KCNH7: variants seen among roughly 807,000 people sequenced by gnomAD.
KCNH7 encodes potassium voltage-gated channel subfamily H member 7.
KCNH7 carries 49 observed loss-of-function variants against 120.8 expected under a neutral mutation model. That is an observed-to-expected ratio of 0.41 (90% confidence interval 0.32 to 0.51). The LOEUF is 0.51. Ranked by LOEUF, KCNH7 falls within the 20% of genes least tolerant of loss-of-function variation. KCNH7 has a pLI of 0.38. For missense variants in KCNH7, 1,097 were observed against 1,446.6 expected (o/e 0.76, Z 3.92); for synonymous variants, 547 against 516.1 (o/e 1.06, Z -0.81).
intron 2 of KCNH7, among the ~76,000 whole-genome samples, chr2:162,702,586 G>A (rs1363830155): frequency 3.9e-5 from 6 of 152,134 alleles, no homozygotes; most frequent in African/African-American, 7.2e-5. Context: ...CACTGTAGAC[G>A]TGATAGGAAA....
Position 162,574,464 on chromosome 2 carries a change from ATAG to A in KCNH7, c.308-37387_308-37385del, listed in dbSNP as rs1300826439. Among the ~76,000 whole-genome samples, 9 of 152,020 alleles carry A rather than the reference ATAG, an allele frequency of 5.9e-5. No homozygotes were observed. In the South Asian group the frequency reaches 1.2e-3, roughly 21 times the overall value. ...TGTTAGTTGGCTCAATAGAATGGTA[ATAG>A]TTGTTTATTATGGTCTCTTAATACA... On this transcript the variant is annotated intron_variant, in intron 2 of 15. Coordinates refer to ENST00000332142, the MANE Select transcript of KCNH7 (RefSeq NM_033272.4).
chr2:162,422,310 A>G (rs1687732461), intron 9 of KCNH7, among the ~76,000 whole-genome samples: 2 of 152,154 alleles, frequency 1.3e-5, no homozygotes, highest in Non-Finnish European at 2.9e-5. Context: ...CCATTAGAAT[A>G]TTAGTGGTCA....
chr2:162,799,565 T>C (rs1559139716), intron 2 of KCNH7, among the ~76,000 whole-genome samples: 2 of 151,996 alleles, frequency 1.3e-5, no homozygotes, highest in Non-Finnish European at 2.9e-5. Context: ...TCTCAAATTG[T>C]CCTGTTCAAA....
chr2:162,375,708 A>G lies in KCNH7; in HGVS notation c.3132-2046T>C, dbSNP rs141915682. On this transcript the variant is annotated intron_variant, in intron 14 of 15. Coordinates refer to ENST00000332142, the MANE Select transcript of KCNH7 (RefSeq NM_033272.4). ...TTTGAGATGCCAAGGTGGGTGGATCACTTGACCTCAGGAGTTTGAGACCAG... is the reference window on the plus strand; with the variant it reads ...TTTGAGATGCCAAGGTGGGTGGATCGCTTGACCTCAGGAGTTTGAGACCAG... Among the ~76,000 whole-genome samples the G allele has an allele frequency of 1.6e-3, 247 of 152,142 alleles. 2 individuals are homozygous for G. Among genetic ancestry groups the G allele is most frequent in the African/African-American group, 5.4e-3 (225 of 41,520 alleles).
chr2:162,701,131 A>G (rs1298612307), intron 2 of KCNH7, among the ~76,000 whole-genome samples: 1 of 152,190 alleles, frequency 6.6e-6, no homozygotes, highest in East Asian at 1.9e-4. Context: ...ACTGTCAAAT[A>G]TAATGATTCC....
intron 2 of KCNH7, among the ~76,000 whole-genome samples, chr2:162,553,926 A>C (rs1692771215): frequency 6.6e-6 from 1 of 152,208 alleles, no homozygotes; most frequent in East Asian, 1.9e-4. Context: ...TGAGTTATAA[A>C]CAATAAAATG....
Position 162,371,900 on chromosome 2 carries a change from A to T in KCNH7, c.3520T>A (p.Ser1174Thr). The T allele has an allele frequency of 6.2e-7, 1 of 1,613,826 alleles. No individual in the cohort carries two copies. The highest frequency in any genetic ancestry group is 1.1e-5 in the South Asian group (1 of 91,076). Reference protein sequence around the residue: ...HPIRHPSLPDSSLSTVGIVGL... With the variant: ...HPIRHPSLPDTSLSTVGIVGL... ...ACGATTCCTACAGTGCTTAGGGATG[A>T]ATCTGGCAAAGAAGGATGCCTAATT... Residue 1174 changes from serine (S) to threonine (T), a missense_variant, in exon 16 of 16, where the codon TCA becomes ACA. By Grantham distance (58) the Ser-to-Thr change is moderately conservative (BLOSUM62 1). Around this residue, in one of 8 missense-constraint regions of KCNH7, gnomAD observed 406 missense variants for 410.5 expected, o/e 0.99. Coordinates refer to ENST00000332142, the MANE Select transcript of KCNH7 (RefSeq NM_033272.4).
In KCNH7 at chr2:162,729,228, C is replaced by T. The variant is rs374781380; in HGVS notation, c.307+107309G>A. ...TCGCCCAGGCTGGAGTGCAGTGGCG[C>T]GATCTCAGCTCACTGCAAGCTCCAC... is the stretch of plus-strand genomic sequence containing the variant. On this transcript the variant is annotated intron_variant, in intron 2 of 15. Coordinates refer to ENST00000332142, the MANE Select transcript of KCNH7 (RefSeq NM_033272.4). Among the ~76,000 whole-genome samples, 79 of 146,696 alleles carry T rather than the reference C, an allele frequency of 5.4e-4. No homozygotes were observed. The East Asian group carries it at 0.013, about 24-fold the overall frequency.
intron 7 of KCNH7, among the ~76,000 whole-genome samples, chr2:162,441,994 G>GGTTTT (rs1688428751): frequency 2.2e-5 from 1 of 46,504 alleles, no homozygotes; most frequent in Non-Finnish European, 5.9e-5. Context: ...AAATAGTTAG[G>GGTTTT]TCTTCTTTTT....
intron 2 of KCNH7, among the ~76,000 whole-genome samples, chr2:162,553,159 C>A (rs1692734671): frequency 6.6e-6 from 1 of 152,148 alleles, no homozygotes; most frequent in Non-Finnish European, 1.5e-5. Flanking sequence ...AAAGTTTGAT[C>A]TGTGGGAAGT....
intron 2 of KCNH7, among the ~76,000 whole-genome samples, chr2:162,754,508 G>T (rs1574345527): frequency 6.6e-6 from 1 of 152,098 alleles, no homozygotes; most frequent in East Asian, 1.9e-4. Flanking sequence ...AGAGACTGAG[G>T]TATTAGTAGG....
intron 6 of KCNH7, among the ~76,000 whole-genome samples, chr2:162,460,686 C>A (rs1223649886): frequency 6.6e-6 from 1 of 152,136 alleles, no homozygotes; most frequent in Non-Finnish European, 1.5e-5. Context: ...CTGCTGACAC[C>A]TTGACCTTGA....
intron 6 of KCNH7, among the ~76,000 whole-genome samples, chr2:162,454,348 C>T (rs1404772142): frequency 1.3e-5 from 2 of 152,166 alleles, no homozygotes; most frequent in Non-Finnish European, 2.9e-5. Flanking sequence ...GTTTTGGTTA[C>T]TGTAGCCATG....
At chr2:162,437,428 T>A (rs1688277236) in intron 7 of KCNH7, among the ~76,000 whole-genome samples, 1 of 152,150 alleles carries the variant, frequency 6.6e-6, no homozygotes, top group Admixed American at 6.6e-5. Context: ...TTCTTCCCTA[T>A]GAATGAATAT....
At chr2:162,753,583 A>T (rs1372276344) in intron 2 of KCNH7, among the ~76,000 whole-genome samples, 2 of 151,594 alleles carry the variant, frequency 1.3e-5, no homozygotes, top group African/African-American at 4.9e-5. Flanking sequence ...AATGCCTTAT[A>T]TTTTTTTTCA....
intron 2 of KCNH7, among the ~76,000 whole-genome samples, chr2:162,640,562 T>C (rs1684118604): frequency 6.6e-6 from 1 of 151,854 alleles, no homozygotes; most frequent in Admixed American, 6.6e-5. Flanking sequence ...TCAAAATGTA[T>C]CACAGGCTTA....
chr2:162,649,928 A>G (rs1684507715), intron 2 of KCNH7, among the ~76,000 whole-genome samples: 1 of 152,232 alleles, frequency 6.6e-6, no homozygotes. Flanking sequence ...GACAGTTAAT[A>G]TATTCCTAAT....
intron 2 of KCNH7, among the ~76,000 whole-genome samples, chr2:162,664,019 A>G (rs141649259): frequency 6.6e-6 from 1 of 152,220 alleles, no homozygotes; most frequent in African/African-American, 2.4e-5. Flanking sequence ...GACCATGCCA[A>G]TGCTATAGTC....
chr2:162,546,677 A>G (rs139797466), intron 2 of KCNH7, among the ~76,000 whole-genome samples: 1 of 152,282 alleles, frequency 6.6e-6, no homozygotes, highest in Non-Finnish European at 1.5e-5. Context: ...CTATGTTTAT[A>G]GCTTTGGAGC....
Sources: gnomAD v4.1 joint callset for allele counts (sites outside exome capture counted in the v4.1 genomes callset) on GRCh38, gnomAD v4.1.1 for gene constraint, gnomAD v4.1.1 regional missense constraint, MANE v1.5 for transcripts, NCBI Gene and HGNC (gene_info 2026-07-23, HGNC 2026-07-21) for gene names.